Variants in RBM20 observed in about 807,000 individuals in gnomAD.
The protein encoded by RBM20 is RNA binding motif protein 20.
In RBM20, 51 loss-of-function variants were observed where a neutral mutation model predicts 110.1. That is an observed-to-expected ratio of 0.46 (90% confidence interval 0.37 to 0.59). The LOEUF is 0.59. Ranked by LOEUF, RBM20 falls within the 20% of genes least tolerant of loss-of-function variation. RBM20 has a pLI of 0.00. For synonymous variants in RBM20, 589 were observed against 618.2 expected (o/e 0.95, Z 0.70); for missense variants, 1,512 against 1,574.9 (o/e 0.96, Z 0.68).
At chr10:110,731,835 G>T (rs551993103) in intron 1 of RBM20, among the ~76,000 whole-genome samples, 1 of 152,130 alleles carries the variant, frequency 6.6e-6, no homozygotes, top group African/African-American at 2.4e-5. Context: ...AGCTTAATTT[G>T]CAAAATGTCC....
intron 11 of RBM20, among the ~76,000 whole-genome samples, 200 bp from the exon 12 acceptor site, chr10:110,823,280 T>C (rs1844937776): frequency 6.6e-6 from 1 of 152,202 alleles, no homozygotes; most frequent in Admixed American, 6.5e-5. Flanking sequence ...TGGCATTCTT[T>C]TGGCAGTGGA....
chr10:110,760,622 G>A (rs567006139), intron 1 of RBM20, among the ~76,000 whole-genome samples: 1 of 149,856 alleles, frequency 6.7e-6, no homozygotes, highest in African/African-American at 2.4e-5. Flanking sequence ...TGTATTTTTA[G>A]TAGAGACGCA....
Position 110,812,657 on chromosome 10 carries a change from A to T in RBM20, c.2260A>T (p.Ser754Cys), listed in dbSNP as rs1181476571. Residue 754 changes from serine (S) to cysteine (C), a missense_variant, in exon 9 of 14, where the codon AGC (serine) becomes TGC (cysteine). Around this residue, in one of 3 missense-constraint regions of RBM20, gnomAD observed 1,149 missense variants for 1,169.4 expected, o/e 0.98. Transcript: ENST00000369519. ...GCCCCACTCTGTGTCCAGCTACAAA[A>T]GCCGTGAAGACGGCTACTACCGGAA... ...NLPHSVSSYK[S>C]REDGYYRKEP... 1 of 1,551,724 alleles carries T rather than the reference A, an allele frequency of 6.4e-7. No individual in the cohort carries two copies. The highest frequency in any genetic ancestry group is 2.0e-5 in the Admixed American group (1 of 51,008).
intron 1 of RBM20, among the ~76,000 whole-genome samples, chr10:110,751,695 C>T (rs1019080159): frequency 2.6e-5 from 4 of 152,220 alleles, no homozygotes; most frequent in Middle Eastern, 3.4e-3. Context: ...TAGACAGGGA[C>T]TGGATGAAAC....
chr10:110,797,743 T>C, intron 6 of RBM20, 95 bp downstream of exon 6: 1 of 1,325,730 alleles, frequency 7.5e-7, no homozygotes, highest in Non-Finnish European at 1.0e-6. Flanking sequence ...ATTCTTAACA[T>C]AAAGAGGCGA....
At chr10:110,827,562 A>C (rs1844998079) in intron 12 of RBM20, among the ~76,000 whole-genome samples, 1 of 152,194 alleles carries the variant, frequency 6.6e-6, no homozygotes, top group South Asian at 2.1e-4. Context: ...TCCCCTGTCT[A>C]CTACCTACTG....
intron 1 of RBM20, among the ~76,000 whole-genome samples, chr10:110,657,126 C>T (rs963125577): frequency 6.6e-6 from 1 of 151,988 alleles, no homozygotes; most frequent in African/African-American, 2.4e-5. Context: ...AAGCGATTCT[C>T]CTGTCTCAGC....
intron 5 of RBM20, among the ~76,000 whole-genome samples, chr10:110,792,614 G>A (rs1467890083): frequency 6.6e-6 from 1 of 152,198 alleles, no homozygotes; most frequent in Non-Finnish European, 1.5e-5. Context: ...CCACTGCCCT[G>A]ACCCTGGTGC....
intron 1 of RBM20, among the ~76,000 whole-genome samples, chr10:110,647,212 C>A (rs1220729846): frequency 6.6e-6 from 1 of 152,266 alleles, no homozygotes; most frequent in East Asian, 1.9e-4. Context: ...GTTTAGAGAA[C>A]TGCCGTATAC....
intron 1 of RBM20, among the ~76,000 whole-genome samples, chr10:110,673,896 T>A (rs964215105): frequency 2.6e-5 from 4 of 152,146 alleles, no homozygotes; most frequent in African/African-American, 4.8e-5. Context: ...TCCTTTACTG[T>A]GGGTGGCATA....
At position 110,788,127 on chromosome 10, in the gene RBM20, T is replaced by G. The variant is rs1424266643; in HGVS notation, c.1527+3238T>G. On this transcript the variant is annotated intron_variant, in intron 5 of 13. Coordinates refer to ENST00000369519, the MANE Select transcript of RBM20 (RefSeq NM_001134363.3). ...AGCCTAGCTCTGGAAGCCTCATTTG[T>G]AACCACTAAGCCCTGCAGCCTCTCT... Among the ~76,000 whole-genome samples the G allele has an allele frequency of 4.0e-5, 6 of 151,720 alleles. No homozygotes were observed. The East Asian group carries it at 1.2e-3, about 29-fold the overall frequency.
chr10:110,729,459 C>A (rs147963828), intron 1 of RBM20, among the ~76,000 whole-genome samples: 2 of 152,240 alleles, frequency 1.3e-5, no homozygotes, highest in East Asian at 1.9e-4. Context: ...TTACCCTTTC[C>A]TTTGATGCAT....
At position 110,810,428 on chromosome 10, in the gene RBM20, C is replaced by A; in HGVS notation, c.1846C>A (p.Gln616Lys). 6.4e-7 allele frequency: 1 copy of A among 1,551,572 alleles called. No individual in the cohort carries two copies. The highest frequency in any genetic ancestry group is 1.2e-5 in the South Asian group (1 of 84,044). ...TGCCATCATCCAGGACATCCATTCC[C>A]AGAGGGAGAGGGACATGTTCCGGGA... The part of the protein sequence containing the change: ...VAAIIQDIHS[Q>K]RERDMFREAD... The change falls in exon 8 of 14, where the codon CAG becomes AAG. Residue 616 changes from glutamine to lysine, a missense_variant. By Grantham distance (53) the Gln-to-Lys change is moderately conservative. Around this residue, in one of 3 missense-constraint regions of RBM20, gnomAD observed 1,149 missense variants for 1,169.4 expected, o/e 0.98. Transcript: ENST00000369519.
chr10:110,686,980 A>G (rs986496809), intron 1 of RBM20, among the ~76,000 whole-genome samples: 8 of 151,966 alleles, frequency 5.3e-5, no homozygotes, highest in African/African-American at 1.9e-4. Context: ...CGGAGGTTGC[A>G]GTGAGCCAAG....
In RBM20 at chr10:110,781,200, T is replaced by C; in HGVS notation, c.591T>C (p.His197=). 1 of 1,551,630 alleles carries C rather than the reference T, an allele frequency of 6.4e-7. No homozygotes were observed. The highest frequency in any genetic ancestry group is 1.4e-5 in the African/African-American group (1 of 73,146). The change falls in exon 2 of 14, where the codon CAT becomes CAC. Residue 197 remains histidine (H), a synonymous_variant. Transcript: ENST00000369519. ...PNQPPSAMVM[H]PFTGVMPQTP... ...AGCCACCCAGTGCCATGGTGATGCA[T>C]CCTTTCACTGGGGTAATGCCTCAGA... is the stretch of plus-strand genomic sequence containing the variant.
At chr10:110,806,465 T>A (rs961332833) in intron 7 of RBM20, among the ~76,000 whole-genome samples, 2 of 152,082 alleles carry the variant, frequency 1.3e-5, no homozygotes, top group Non-Finnish European at 2.9e-5. Context: ...AGGGAGGTGC[T>A]ACACACTTTT....
chr10:110,724,476 TC>T (rs1311430688), intron 1 of RBM20, among the ~76,000 whole-genome samples: 1 of 152,178 alleles, frequency 6.6e-6, no homozygotes, highest in Admixed American at 6.5e-5. Flanking sequence ...GAGTGCTTCG[TC>T]AAGATTTTCT....
chr10:110,707,980 A>G (rs1174180707), intron 1 of RBM20, among the ~76,000 whole-genome samples: 2 of 152,242 alleles, frequency 1.3e-5, no homozygotes, highest in African/African-American at 4.8e-5. Context: ...CTCTGTGTCA[A>G]GACACCACAT....
chr10:110,668,091 T>G (rs962336828), intron 1 of RBM20, among the ~76,000 whole-genome samples: 4 of 152,160 alleles, frequency 2.6e-5, no homozygotes, highest in African/African-American at 9.7e-5. Context: ...AGGCTAAAAT[T>G]AAAAGTGAAG....
Sources: gnomAD v4.1 joint callset for allele counts (sites outside exome capture counted in the v4.1 genomes callset) on GRCh38, gnomAD v4.1.1 for gene constraint, gnomAD v4.1.1 regional missense constraint, MANE v1.5 for transcripts, NCBI Gene and HGNC (gene_info 2026-07-23, HGNC 2026-07-21) for gene names.